The following SLC9D1 variants were observed in gnomAD, a reference collection of about 807,000 sequenced individuals.
SLC9D1 encodes putative LAG1-interacting protein.
At chr13:113,495,724 A>G in the SLC9D1 span, 3,802 of 1,613,588 alleles carry the variant, frequency 2.4e-3, 14 homozygotes, top group Middle Eastern at 0.012. Context: ...CAGAGCCGGC[A>G]GTGGGTCCGG....
At chr13:113,531,604 C>T in the SLC9D1 span, among the ~76,000 whole-genome samples, 1 of 149,632 alleles carries the variant, frequency 6.7e-6, no homozygotes, top group Non-Finnish European at 1.5e-5. Context: ...GCAGCACACG[C>T]GTGTGGACCT....
chr13:113,517,290 C>T, the SLC9D1 span, among the ~76,000 whole-genome samples: 13 of 152,218 alleles, frequency 8.5e-5, no homozygotes, highest in South Asian at 2.1e-4. Context: ...TGGAGTGCAA[C>T]GGCACAATTT....
the SLC9D1 span, among the ~76,000 whole-genome samples, chr13:113,497,399 AGCTGTGTGAGACCTGC>A: frequency 6.9e-6 from 1 of 145,270 alleles, no homozygotes; most frequent in African/African-American, 2.7e-5. Context: ...TGAGACCTGC[AGCTGTGTGAGACCTGC>A]AGCTCTGTGT....
At chr13:113,497,057 C>T in the SLC9D1 span, among the ~76,000 whole-genome samples, 3 of 152,306 alleles carry the variant, frequency 2.0e-5, no homozygotes, top group Admixed American at 2.0e-4. Flanking sequence ...GCTATACTAG[C>T]CCTCCAGTTG....
the SLC9D1 span, among the ~76,000 whole-genome samples, chr13:113,514,658 G>T: frequency 6.8e-6 from 1 of 146,854 alleles, no homozygotes; most frequent in Admixed American, 6.7e-5. Context: ...GAAGACATGA[G>T]CCTCGCTAGT....
chr13:113,506,287 C>CCA, the SLC9D1 span, among the ~76,000 whole-genome samples: 1 of 73,414 alleles, frequency 1.4e-5, no homozygotes, highest in Non-Finnish European at 2.4e-5. Context: ...GAGTGGGCCG[C>CCA]GTGCTGCCTG....
chr13:113,547,221 C>T, the SLC9D1 span: 11 of 1,054,994 alleles, frequency 1.0e-5, no homozygotes, highest in African/African-American at 3.1e-5. Context: ...AAGCAAGTGA[C>T]ACACTGAAGT....
chr13:113,519,190 C>T, the SLC9D1 span, among the ~76,000 whole-genome samples: 5 of 152,106 alleles, frequency 3.3e-5, no homozygotes, highest in East Asian at 9.7e-4. Context: ...ACTGCAGGTG[C>T]CCGCCACCAT....
At chr13:113,511,216 CTTAT>C in the SLC9D1 span, among the ~76,000 whole-genome samples, 2 of 152,052 alleles carry the variant, frequency 1.3e-5, no homozygotes, top group African/African-American at 4.8e-5. Context: ...CTGTTTTGCT[CTTAT>C]TTTGTAAAAG....
At chr13:113,491,209 C>T in the SLC9D1 span, 2 of 152,338 alleles carry the variant, frequency 1.3e-5, no homozygotes, top group African/African-American at 2.4e-5. Flanking sequence ...CGCCTCAGAG[C>T]CCGGCCCAGG....
chr13:113,522,957 A>G, the SLC9D1 span, among the ~76,000 whole-genome samples: 158 of 152,256 alleles, frequency 1.0e-3, no homozygotes, highest in African/African-American at 3.5e-3. Context: ...GACATGATGG[A>G]TAACATTGAT....
At chr13:113,546,209 C>T in the SLC9D1 span, among the ~76,000 whole-genome samples, 4 of 152,024 alleles carry the variant, frequency 2.6e-5, no homozygotes, top group East Asian at 3.9e-4. This position sits in a 1 kb window ranked among gnomAD's most constrained non-coding sequence, Gnocchi z 7.1. Flanking sequence ...CAGCCTGGAC[C>T]GGGCATTGCA....
At chr13:113,495,975 A>AAGGAG in the SLC9D1 span, 1 of 1,613,510 alleles carries the variant, frequency 6.2e-7, no homozygotes, top group South Asian at 1.1e-5. Flanking sequence ...CGTGAACATG[A>AAGGAG]AGGAGAGCAG....
chr13:113,513,534 C>T, the SLC9D1 span, among the ~76,000 whole-genome samples: 1 of 152,026 alleles, frequency 6.6e-6, no homozygotes, highest in Non-Finnish European at 1.5e-5. Context: ...TAGTTAGAGT[C>T]AAGGACTTGG....
chr13:113,501,977 AC>A, the SLC9D1 span: 1 of 987,676 alleles, frequency 1.0e-6, no homozygotes, highest in Non-Finnish European at 1.5e-6. Context: ...TAATGCAGAT[AC>A]CAGCTTCGTA....
At chr13:113,501,634 C>T in the SLC9D1 span, 1 of 757,414 alleles carries the variant, frequency 1.3e-6, no homozygotes, top group Middle Eastern at 2.6e-4. Context: ...TTGTCTTCAC[C>T]CTTCATTCCC....
At chr13:113,544,745 A>G in the SLC9D1 span, among the ~76,000 whole-genome samples, 3 of 152,104 alleles carry the variant, frequency 2.0e-5, no homozygotes, top group Non-Finnish European at 4.4e-5. Context: ...GCCTGCGCGG[A>G]GAGATTAGGT....
chr13:113,534,301 T>C, the SLC9D1 span: 1 of 1,341,156 alleles, frequency 7.5e-7, no homozygotes, highest in Non-Finnish European at 1.1e-6. Context: ...CACTGAAATC[T>C]TGTGATCCAT....
chr13:113,509,548 C>T, the SLC9D1 span, among the ~76,000 whole-genome samples: 867 of 152,278 alleles, frequency 5.7e-3, 11 homozygotes, highest in African/African-American at 0.02. Flanking sequence ...GCCCCTGCAC[C>T]CCTTCCTTCT....
Sources: allele counts gnomAD v4.1 joint callset (sites outside exome capture counted in the v4.1 genomes callset), GRCh38; gene constraint gnomAD v4.1.1; non-coding constraint Gnocchi (gnomAD v3.1); transcripts MANE v1.5; gene names NCBI Gene and HGNC (gene_info 2026-07-23, HGNC 2026-07-21).